The following TRA2B variants were observed in gnomAD, a reference collection of about 807,000 sequenced individuals.
TRA2B encodes the protein transformer-2 protein homolog beta.
In TRA2B, 14 loss-of-function variants were observed where a neutral mutation model predicts 41.7. The observed-to-expected ratio is 0.34, with a 90% confidence interval of 0.22 to 0.53. The LOEUF is 0.53. Among genes scored for constraint, TRA2B ranks in the 20% least tolerant of loss-of-function variants. TRA2B has a pLI of 0.95. For missense variants in TRA2B, 167 were observed against 396.8 expected (o/e 0.42, Z 4.92); for synonymous variants, 130 against 128.8 (o/e 1.01, Z -0.06).
rs1176796414 is a variant in TRA2B at position 185,937,924 on chromosome 3, C to G, written c.-64G>C. 1 of 1,598,308 alleles carries G rather than the reference C, an allele frequency of 6.3e-7. No individual in the cohort carries two copies. Among genetic ancestry groups the G allele is most frequent in the African/African-American group, 1.3e-5 (1 of 74,624 alleles). ...GAAGCTGCCAACCTCTTGCACCTTCCTTAAGGAGGCTCCGCCGCAGCCCCG... is the reference window on the plus strand; with the variant it reads ...GAAGCTGCCAACCTCTTGCACCTTCGTTAAGGAGGCTCCGCCGCAGCCCCG... On this transcript the variant is annotated 5_prime_UTR_variant, in exon 1 of 9. Coordinates refer to ENST00000453386, the MANE Select transcript of TRA2B (RefSeq NM_004593.3).
At chr3:185,931,938 C>A (rs1228285722) in intron 1 of TRA2B, 10 of 941,212 alleles carry the variant, frequency 1.1e-5, no homozygotes, top group Non-Finnish European at 1.3e-5. Flanking sequence ...AAAAAAAAAT[C>A]CCTTTGTTGA....
chr3:185,921,896 A>T (rs538587170), intron 5 of TRA2B, 115 bp downstream of exon 5: 1 of 638,322 alleles, frequency 1.6e-6, no homozygotes, highest in Non-Finnish European at 2.7e-6. Context: ...GCATTTAATC[A>T]ATCAACAGTC....
chr3:185,921,211 T>G (rs773779574), intron 5 of TRA2B, 24 bp from the exon 6 acceptor site: 8 of 1,604,570 alleles, frequency 5.0e-6, no homozygotes, highest in Non-Finnish European at 6.8e-6. Context: ...AATATTCAGG[T>G]GACCTCCCTT....
At chr3:185,934,488 C>T in intron 1 of TRA2B, 1 of 985,370 alleles carries the variant, frequency 1.0e-6, no homozygotes, top group Non-Finnish European at 1.2e-6. Context: ...CAGACAATAT[C>T]CACAATATTA....
At chr3:185,935,732 C>G (rs1410932373) in intron 1 of TRA2B, 1 of 985,280 alleles carries the variant, frequency 1.0e-6, no homozygotes, top group Non-Finnish European at 1.2e-6. Context: ...ATGGTTTTCC[C>G]AAGCTTGCTT....
intron 1 of TRA2B, chr3:185,937,106 G>A (rs772489332): frequency 2.2e-4 from 213 of 985,292 alleles, no homozygotes; most frequent in Non-Finnish European, 2.4e-4. Flanking sequence ...ATAGAATACT[G>A]ATACAGATTT....
In TRA2B at chr3:185,921,205, T is replaced by C. The variant is rs375253858; in HGVS notation, c.639-18A>G. On this transcript the variant is annotated intron_variant, in intron 5 of 8. Coordinates refer to ENST00000453386, the MANE Select transcript of TRA2B (RefSeq NM_004593.3). ...AGCTGCCACTATGAAGAAAAAAATA[T>C]TCAGGTGACCTCCCTTATCTTTCTG... 4 of 1,610,580 alleles carry C rather than the reference T, an allele frequency of 2.5e-6. No individual in the cohort carries two copies. In the African/African-American group the frequency reaches 4.0e-5, roughly 16 times the overall value.
intron 8 of TRA2B, 42 bp downstream of exon 8, chr3:185,918,323 C>T (rs1743582233): frequency 6.9e-7 from 1 of 1,442,316 alleles, no homozygotes. Context: ...TCAGAGCAAG[C>T]CATACTACAA....
At chr3:185,921,690 G>A (rs1409077569) in intron 5 of TRA2B, among the ~76,000 whole-genome samples, 1 of 152,178 alleles carries the variant, frequency 6.6e-6, no homozygotes, top group East Asian at 1.9e-4. Flanking sequence ...CTTGAACCCA[G>A]GAGGCGAAGG....
chr3:185,927,858 T>G lies in TRA2B; in HGVS notation c.37-1124A>C, dbSNP rs994885518. 3 of 152,252 alleles carry G rather than the reference T, an allele frequency of 2.0e-5. No homozygotes were observed. In the South Asian group the frequency reaches 6.2e-4, roughly 32 times the overall value. 9.4% of individuals were successfully genotyped at this position (152,252 alleles called of 1,614,324 possible). A position where few individuals can be genotyped will look rare whatever the true frequency, so the allele number is the denominator to read the frequency against. On this transcript the variant is annotated intron_variant, in intron 1 of 8. Coordinates refer to ENST00000453386, the MANE Select transcript of TRA2B (RefSeq NM_004593.3). Reference sequence around the variant, plus strand: ...CAGAACCTACTCCTAGTCAGTCTGATAGCTAGGTAAAATTATCAAGGCAAC... The same window carrying G: ...CAGAACCTACTCCTAGTCAGTCTGAGAGCTAGGTAAAATTATCAAGGCAAC...
At chr3:185,924,014 G>A (rs1172082255) in intron 3 of TRA2B, 30 bp from the exon 4 acceptor site, 11 of 1,571,310 alleles carry the variant, frequency 7.0e-6, no homozygotes, top group South Asian at 1.2e-5. Flanking sequence ...TTAAACTTTG[G>A]AAAAGTTGTC....
chr3:185,937,985 A>G lies in TRA2B; in HGVS notation c.-125T>C. 8.7e-7 allele frequency: 1 copy of G among 1,144,230 alleles called. No individual in the cohort carries two copies. The highest frequency in any genetic ancestry group is 1.3e-6 in the Non-Finnish European group (1 of 788,068). 70.9% of individuals were successfully genotyped at this position (1,144,230 alleles called of 1,614,324 possible). A position where few individuals can be genotyped will look rare whatever the true frequency, so the allele number is the denominator to read the frequency against. On this transcript the variant is annotated 5_prime_UTR_variant, in exon 1 of 9. Transcript: ENST00000453386. ...CGGTCGCCCAGCCGCTCAGAGCCGA[A>G]ATGCTCCGCACCGCCTCCGCACGGG...
At chr3:185,936,602 T>C (rs990976808) in intron 1 of TRA2B, 2 of 985,076 alleles carry the variant, frequency 2.0e-6, no homozygotes, top group Admixed American at 6.2e-5. Context: ...CATTTAATAG[T>C]CTTATTTACC....
chr3:185,922,258 G>A, intron 4 of TRA2B, 132 bp from the exon 5 acceptor site: 1 of 529,962 alleles, frequency 1.9e-6, no homozygotes, highest in Non-Finnish European at 3.3e-6. Context: ...AGAACGTAAG[G>A]TCTACAACTT....
chr3:185,914,826 T>A lies in TRA2B; in HGVS notation c.*2889A>T, dbSNP rs1359110535. On this transcript the variant is annotated 3_prime_UTR_variant, in exon 9 of 9. Coordinates refer to ENST00000453386, the MANE Select transcript of TRA2B (RefSeq NM_004593.3). ...TCCATATAATTTACAGAAATTTTGA[T>A]AATGCAAACCAAATCTTTTTATTTC... Among the ~76,000 whole-genome samples the A allele has an allele frequency of 6.6e-6, 1 of 152,142 alleles. No individual in the cohort carries two copies. The highest frequency in any genetic ancestry group is 1.9e-4 in the East Asian group (1 of 5,200).
chr3:185,936,339 C>T, intron 1 of TRA2B: 1 of 985,318 alleles, frequency 1.0e-6, no homozygotes, highest in Non-Finnish European at 1.2e-6. Context: ...AACTTTCTTA[C>T]CCAAGAAAGC....
chr3:185,937,524 C>T (rs1744412509), intron 1 of TRA2B: 1 of 1,027,276 alleles, frequency 9.7e-7, no homozygotes, highest in Non-Finnish European at 1.2e-6. Context: ...CGCTCCCCTC[C>T]CCCAACACCG....
intron 6 of TRA2B, 38 bp downstream of exon 6, chr3:185,921,066 T>C (rs745993627): frequency 4.5e-6 from 7 of 1,540,394 alleles, no homozygotes; most frequent in Non-Finnish European, 5.4e-6. Context: ...TACACTGTAC[T>C]GAGATTCAGA....
chr3:185,928,394 G>C (rs1327520877), intron 1 of TRA2B: 1 of 152,142 alleles, frequency 6.6e-6, no homozygotes, highest in African/African-American at 2.4e-5. Flanking sequence ...CTCCCTCCAT[G>C]ACTGACTGTA....
Sources: allele counts gnomAD v4.1 joint callset (sites outside exome capture counted in the v4.1 genomes callset), GRCh38; gene constraint gnomAD v4.1.1; transcripts MANE v1.5; gene names NCBI Gene and HGNC (gene_info 2026-07-23, HGNC 2026-07-21).